Variants in CX3CR1 observed in about 807,000 individuals in gnomAD.
CX3CR1 encodes the protein CX3C chemokine receptor 1.
For synonymous variants in CX3CR1, 168 were observed against 178.5 expected (o/e 0.94, Z 0.47); for missense variants, 363 against 432.4 (o/e 0.84, Z 1.42).
At chr3:39,273,964 G>C (rs2040809366) in intron 1 of CX3CR1, among the ~76,000 whole-genome samples, 1 of 152,168 alleles carries the variant, frequency 6.6e-6, no homozygotes, top group South Asian at 2.1e-4. Context: ...ATGAGTCCTA[G>C]GTCAGCAAAA....
chr3:39,292,027 GC>G, the CX3CR1 span, among the ~76,000 whole-genome samples: 4 of 152,230 alleles, frequency 2.6e-5, no homozygotes, highest in South Asian at 8.3e-4. Context: ...GCTTAGGGGC[GC>G]CCCCTTGTGG....
upstream of CX3CR1, among the ~76,000 whole-genome samples, chr3:39,282,696 G>A (rs2040914538): frequency 6.6e-6 from 1 of 152,164 alleles, no homozygotes; most frequent in Admixed American, 6.5e-5. Flanking sequence ...ATGCAGAAAA[G>A]GAGAGTGAGA....
chr3:39,281,141 G>A, upstream of CX3CR1: 1 of 1,003,350 alleles, frequency 1.0e-6, no homozygotes. Flanking sequence ...GCTGGGGGCT[G>A]CAGTGCAGTG....
intron 1 of CX3CR1, among the ~76,000 whole-genome samples, chr3:39,273,464 G>A (rs866270040): frequency 6.6e-5 from 10 of 152,312 alleles, no homozygotes; most frequent in Non-Finnish European, 8.8e-5. Context: ...GCTTTTAAGA[G>A]CCACATGTTT....
chr3:39,283,959 T>C (rs2125558721), upstream of CX3CR1, among the ~76,000 whole-genome samples: 2 of 151,118 alleles, frequency 1.3e-5, no homozygotes, highest in Middle Eastern at 6.8e-3. Flanking sequence ...TAAAAGAGTA[T>C]GATTGGATTG....
upstream of CX3CR1, among the ~76,000 whole-genome samples, chr3:39,282,608 T>G (rs534603449): frequency 6.6e-6 from 1 of 152,104 alleles, no homozygotes; most frequent in Non-Finnish European, 1.5e-5. Flanking sequence ...CACCCATCAC[T>G]GCAGGCACCC....
chr3:39,292,097 C>T, the CX3CR1 span, among the ~76,000 whole-genome samples: 1 of 152,334 alleles, frequency 6.6e-6, no homozygotes, highest in Non-Finnish European at 1.5e-5. Context: ...AGCAAGGTCC[C>T]CTCTAAGGCA....
At chr3:39,285,641 TAA>T (rs1299263140), upstream of CX3CR1, among the ~76,000 whole-genome samples, 1 of 152,206 alleles carries the variant, frequency 6.6e-6, no homozygotes, top group Non-Finnish European at 1.5e-5. Flanking sequence ...TTGCAATACT[TAA>T]AAATATCTGT....
Position 39,273,308 on chromosome 3 carries a change from C to G in CX3CR1, c.-10+6646G>C, listed in dbSNP as rs138344359. Among the ~76,000 whole-genome samples, 721 of 152,328 alleles carry G rather than the reference C, an allele frequency of 4.7e-3. 7 individuals carry two copies. Among genetic ancestry groups the G allele is most frequent in the African/African-American group, 0.016 (679 of 41,572 alleles). The stretch of plus-strand genomic sequence containing the variant: ...TGCGGGATATTATTTGCTCCTCTAG[C>G]CACCACTAGGTGGTCCACACTGCCA... On this transcript the variant is annotated intron_variant, in intron 1 of 1. Transcript: ENST00000399220.
chr3:39,274,481 CAAAAAAAAAAAAA>C (rs10663570), intron 1 of CX3CR1, among the ~76,000 whole-genome samples: 57 of 88,296 alleles, frequency 6.5e-4, no homozygotes, highest in Admixed American at 4.0e-4. Context: ...CAACCACCAC[CAAAAAAAAAAAAA>C]AAAAAAAAAT....
chr3:39,268,518 T>G (rs556920732), intron 1 of CX3CR1, among the ~76,000 whole-genome samples: 122 of 152,278 alleles, frequency 8.0e-4, no homozygotes, highest in African/African-American at 2.8e-3. Flanking sequence ...AATAGTCAAG[T>G]CCTTGGTGGT....
the CX3CR1 span, among the ~76,000 whole-genome samples, chr3:39,289,107 T>C: frequency 6.6e-6 from 1 of 151,052 alleles, no homozygotes; most frequent in Non-Finnish European, 1.5e-5. Flanking sequence ...TGAGCTGAGA[T>C]CGCACCACTG....
At position 39,265,845 on chromosome 3, in the gene CX3CR1, T is replaced by C. The variant is rs1478642082; in HGVS notation, c.665A>G (p.Lys222Arg). The change falls in exon 2 of 2, where the codon AAG (lysine) becomes AGG (arginine). Residue 222 changes from lysine to arginine, a missense_variant. Coordinates refer to ENST00000399220, the MANE Select transcript of CX3CR1 (RefSeq NM_001337.4). ...FRIIQTLFSC[K>R]NHKKAKAIKL... ...AATGGCTTTGGCTTTCTTGTGGTTC[T>C]TGCAGGAAAACAGCGTCTGGATGAT... 1 of 1,614,232 alleles carries C rather than the reference T, an allele frequency of 6.2e-7. No homozygotes were observed. Among genetic ancestry groups the C allele is most frequent in the Admixed American group, 1.7e-5 (1 of 60,030 alleles).
upstream of CX3CR1, among the ~76,000 whole-genome samples, chr3:39,283,802 TATATATATATATATATATATATA>T (rs2040926334): frequency 2.8e-5 from 1 of 35,878 alleles, no homozygotes; most frequent in African/African-American, 1.3e-4. Context: ...AAATTATATA[TATATATATATATATATATATATA>T]TATATATATA....
upstream of CX3CR1, chr3:39,280,424 C>G: frequency 1.0e-6 from 1 of 985,504 alleles, no homozygotes; most frequent in Non-Finnish European, 1.2e-6. Flanking sequence ...GCACACACAG[C>G]TCTTCTCCTC....
At chr3:39,281,397 A>G, upstream of CX3CR1, 2 of 594,558 alleles carry the variant, frequency 3.4e-6, no homozygotes, top group Non-Finnish European at 5.0e-6. Context: ...CTTGCCTCTG[A>G]CTCCCCTCCT....
Position 39,265,306 on chromosome 3 carries a change from C to G in CX3CR1, c.*136G>C. ...ATTTTGAGCACAATTCTCAACAACA[C>G]TCTAGGGTTGTTTTGTGTGCATTGG... On this transcript the variant is annotated 3_prime_UTR_variant, in exon 2 of 2. Coordinates refer to ENST00000399220, the MANE Select transcript of CX3CR1 (RefSeq NM_001337.4). 1.2e-6 allele frequency: 1 copy of G among 859,504 alleles called. No individual in the cohort carries two copies. Among genetic ancestry groups the G allele is most frequent in the East Asian group, 2.4e-5 (1 of 40,870 alleles). 53.2% of individuals were successfully genotyped at this position (859,504 alleles called of 1,614,324 possible). A position where few individuals can be genotyped will look rare whatever the true frequency, so the allele number is the denominator to read the frequency against.
chr3:39,274,480 C>A (rs761194812), intron 1 of CX3CR1, among the ~76,000 whole-genome samples: 909 of 8,896 alleles, frequency 0.1, 4 homozygotes, highest in African/African-American at 0.13. Context: ...CCAACCACCA[C>A]CAAAAAAAAA....
intron 1 of CX3CR1, among the ~76,000 whole-genome samples, chr3:39,270,396 T>A (rs1436714749): frequency 6.6e-6 from 1 of 152,216 alleles, no homozygotes; most frequent in African/African-American, 2.4e-5. Context: ...AACCCCAATG[T>A]CCATCACTAG....
Sources: gnomAD v4.1 joint callset for allele counts (sites outside exome capture counted in the v4.1 genomes callset) on GRCh38, gnomAD v4.1.1 for gene constraint, MANE v1.5 for transcripts, NCBI Gene and HGNC (gene_info 2026-07-23, HGNC 2026-07-21) for gene names.